NRCAM: variants seen among roughly 807,000 people sequenced by gnomAD.
NRCAM encodes the protein NgCAM-related cell adhesion molecule.
In NRCAM, 83 loss-of-function variants were observed where a neutral mutation model predicts 156.5. The observed-to-expected ratio is 0.53, with a 90% CI of 0.44 to 0.64. The LOEUF (loss-of-function observed/expected upper bound fraction) is 0.64. NRCAM is among the 30% of genes least tolerant of loss of function. NRCAM has a pLI of 0.00. For missense variants in NRCAM, 1,417 were observed against 1,597.3 expected (o/e 0.89, Z 1.92); for synonymous variants, 538 against 563.9 (o/e 0.95, Z 0.65).
At chr7:108,326,174 A>G (rs562394817) in intron 2 of NRCAM, among the ~76,000 whole-genome samples, 2 of 152,214 alleles carry the variant, frequency 1.3e-5, no homozygotes, top group Non-Finnish European at 2.9e-5. Flanking sequence ...TTTGTGTTCA[A>G]TAAGACAAAG....
At chr7:108,241,317 T>C (rs2095511848) in intron 3 of NRCAM, among the ~76,000 whole-genome samples, 1 of 152,144 alleles carries the variant, frequency 6.6e-6, no homozygotes, top group African/African-American at 2.4e-5. Context: ...CATTGCAAAA[T>C]GGAGAGCATG....
At chr7:108,274,825 A>G (rs915687921) in intron 3 of NRCAM, among the ~76,000 whole-genome samples, 8 of 152,184 alleles carry the variant, frequency 5.3e-5, no homozygotes, top group Non-Finnish European at 1.2e-4. Flanking sequence ...CTGGCTTTCA[A>G]TGGGAATGCT....
At position 108,168,380 on chromosome 7, in the gene NRCAM, G is replaced by C; in HGVS notation, c.3210C>G (p.Ile1070Met). The C allele has an allele frequency of 6.2e-7, 1 of 1,604,454 alleles. No individual in the cohort carries two copies. The highest frequency in any genetic ancestry group is 2.2e-5 in the East Asian group (1 of 44,538). The part of the protein sequence containing the change: ...AGKVQAVNPR[I>M]SNLTAAAAET... ...CAGCAGCTGCAGCAGTAAGATTGCT[G>C]ATCCTGGGATTTACTGCTTGAACTA... The change falls in exon 29 of 33, where the codon ATC becomes ATG. Residue 1070 changes from isoleucine (I) to methionine (M), a missense_variant. Coordinates refer to ENST00000379028, the MANE Select transcript of NRCAM (RefSeq NM_001037132.4).
intron 3 of NRCAM, among the ~76,000 whole-genome samples, chr7:108,309,068 A>G (rs1028069129): frequency 2.0e-5 from 3 of 152,202 alleles, no homozygotes; most frequent in African/African-American, 4.8e-5. Context: ...AAAGAACAGA[A>G]TGTTCTTCAC....
chr7:108,441,100 G>A (rs868567798), intron 1 of NRCAM, among the ~76,000 whole-genome samples: 5 of 152,162 alleles, frequency 3.3e-5, no homozygotes, highest in African/African-American at 1.2e-4. Flanking sequence ...CACAAAAGGA[G>A]TTGTCCATCC....
chr7:108,226,205 T>C lies in NRCAM; in HGVS notation c.721+3A>G. 1 of 1,580,200 alleles carries C rather than the reference T, an allele frequency of 6.3e-7. No individual in the cohort carries two copies. The stretch of plus-strand genomic sequence containing the variant: ...GGGGAGATTTGGGAAGCTGAACTCT[T>C]ACCTGAAATCACCTTCACAGAAATA... On this transcript the variant is annotated splice_donor_region_variant and intron_variant, in intron 9 of 32. Coordinates refer to ENST00000379028, the MANE Select transcript of NRCAM (RefSeq NM_001037132.4).
chr7:108,380,244 TTAA>T (rs997830636), intron 2 of NRCAM, among the ~76,000 whole-genome samples: 1 of 152,184 alleles, frequency 6.6e-6, no homozygotes, highest in African/African-American at 2.4e-5. Flanking sequence ...TAGTATGAAA[TTAA>T]TTATATGAGG....
At chr7:108,218,289 T>C (rs933806210) in intron 11 of NRCAM, among the ~76,000 whole-genome samples, 1 of 151,700 alleles carries the variant, frequency 6.6e-6, no homozygotes, top group African/African-American at 2.4e-5. Flanking sequence ...CCCAATGAGA[T>C]GAACCAGGTA....
At chr7:108,150,818 AT>A (rs2041057828) in intron 32 of NRCAM, 1 of 446,954 alleles carries the variant, frequency 2.2e-6, no homozygotes, top group Non-Finnish European at 4.5e-6. Context: ...TTTGGTAAAA[AT>A]TTTAGTTAAT....
chr7:108,248,942 G>T (rs1054914026), intron 3 of NRCAM, among the ~76,000 whole-genome samples: 5 of 150,144 alleles, frequency 3.3e-5, no homozygotes, highest in African/African-American at 1.2e-4. Flanking sequence ...GTTTCATCTC[G>T]GCGATTAGTC....
At chr7:108,450,878 C>T (rs1334771635) in intron 1 of NRCAM, among the ~76,000 whole-genome samples, 1 of 152,108 alleles carries the variant, frequency 6.6e-6, no homozygotes, top group East Asian at 1.9e-4. Context: ...ATTAGAAATG[C>T]TGTGAATGAC....
chr7:108,243,438 T>G (rs924483713), intron 3 of NRCAM, among the ~76,000 whole-genome samples: 6 of 152,220 alleles, frequency 3.9e-5, no homozygotes, highest in South Asian at 4.1e-4. Context: ...CGTCAATTCT[T>G]TGACTCAGTA....
At chr7:108,285,797 A>C (rs1333419331) in intron 3 of NRCAM, among the ~76,000 whole-genome samples, 1 of 152,208 alleles carries the variant, frequency 6.6e-6, no homozygotes, top group Non-Finnish European at 1.5e-5. Flanking sequence ...ATTATATCAG[A>C]AACTCCACCA....
At chr7:108,239,590 T>C (rs2095393191) in intron 4 of NRCAM, among the ~76,000 whole-genome samples, 1 of 152,166 alleles carries the variant, frequency 6.6e-6, no homozygotes, top group South Asian at 2.1e-4. Flanking sequence ...GAGGTCTCCA[T>C]GATCATTTTA....
intron 3 of NRCAM, among the ~76,000 whole-genome samples, chr7:108,298,835 C>T (rs2098509862): frequency 6.6e-6 from 1 of 151,132 alleles, no homozygotes; most frequent in African/African-American, 2.4e-5. Flanking sequence ...GGGCCAGGCG[C>T]AGTGGCTCAT....
At chr7:108,164,970 T>C (rs1037074595) in intron 30 of NRCAM, among the ~76,000 whole-genome samples, 6 of 152,206 alleles carry the variant, frequency 3.9e-5, no homozygotes, top group Admixed American at 1.3e-4. Context: ...TTTTGTCCTA[T>C]AGAAGGACAA....
chr7:108,390,984 T>C (rs540232165), intron 2 of NRCAM, among the ~76,000 whole-genome samples: 2 of 152,354 alleles, frequency 1.3e-5, no homozygotes, highest in Non-Finnish European at 2.9e-5. Context: ...AGGAGTGCTT[T>C]ACTTCCAACT....
At position 108,215,746 on chromosome 7, in the gene NRCAM, T is replaced by C. The variant is rs527974539; in HGVS notation, c.891-6141A>G. 3.6e-5 allele frequency among the ~76,000 whole-genome samples: 5 copies of C among 140,596 alleles called. 1 individual carries two copies. The South Asian group carries it at 1.1e-3, about 31-fold the overall frequency. The allele number at this position is 140,596 out of a possible 152,430, so 92.2% of individuals were successfully genotyped here. ...CAACCCCTGCCTTTTTTTTTTTTTT[T>C]TGCTTTTCATTTGCTTGGTAAATAT... is the stretch of plus-strand genomic sequence containing the variant. On this transcript the variant is annotated intron_variant, in intron 11 of 32. Transcript: ENST00000379028.
chr7:108,417,845 A>G (rs1373366032), intron 1 of NRCAM, among the ~76,000 whole-genome samples: 3 of 152,144 alleles, frequency 2.0e-5, no homozygotes, highest in African/African-American at 7.2e-5. Flanking sequence ...ACAGTCACTC[A>G]TTGCCCAGCT....
Sources: allele counts gnomAD v4.1 joint callset (sites outside exome capture counted in the v4.1 genomes callset), GRCh38; gene constraint gnomAD v4.1.1; transcripts MANE v1.5; gene names NCBI Gene and HGNC (gene_info 2026-07-23, HGNC 2026-07-21).